Variants in GPC6 observed in about 807,000 individuals in gnomAD.
The protein encoded by GPC6 is glypican-6.
A neutral mutation model predicts 55.2 loss-of-function variants in GPC6; 14 were observed. The ratio of observed to expected loss-of-function variants is 0.25; its 90% CI spans 0.17 to 0.40. GPC6 has a LOEUF of 0.40. GPC6 is among the 10% of genes least tolerant of loss of function. GPC6 has a pLI of 1.00. For synonymous variants in GPC6, 278 were observed against 259.6 expected, an observed-to-expected ratio of 1.07 and a Z score of -0.68; for missense variants, 641 against 708.5, an observed-to-expected ratio of 0.90 and a Z score of 1.08.
At chr13:94,161,044 C>T (rs1888146899) in intron 4 of GPC6, among the ~76,000 whole-genome samples, 1 of 152,214 alleles carries the variant, frequency 6.6e-6, no homozygotes, top group South Asian at 2.1e-4. Context: ...GAAAATTATG[C>T]CCTTTGGGTT....
Position 93,634,078 on chromosome 13 carries a change from C to A in GPC6, c.319+88657C>A, listed in dbSNP as rs117148531. On this transcript the variant is annotated intron_variant, in intron 2 of 8. Coordinates refer to ENST00000377047, the MANE Select transcript of GPC6 (RefSeq NM_005708.5). ...CTGATGCAGTGAACATATACTTTAC[C>A]CCAGCTTCCCTCAATCCCATTCGAA... Among the ~76,000 whole-genome samples the A allele has an allele frequency of 5.8e-4, 88 of 152,178 alleles. 1 individual carries two copies. The East Asian group carries it at 0.017, about 29-fold the overall frequency.
chr13:93,809,347 T>G (rs1293385285), intron 2 of GPC6, among the ~76,000 whole-genome samples: 1 of 152,224 alleles, frequency 6.6e-6, no homozygotes, highest in East Asian at 1.9e-4. Context: ...TTTCTTCATT[T>G]CAGTTAAGAC....
chr13:93,791,839 G>T (rs9524216), intron 2 of GPC6, among the ~76,000 whole-genome samples: 48,905 of 152,082 alleles, frequency 0.32, 8,182 homozygotes, highest in African/African-American at 0.4. Flanking sequence ...AAACAACACT[G>T]GGTGAAATTG....
At chr13:93,869,881 C>A (rs1230721695) in intron 3 of GPC6, among the ~76,000 whole-genome samples, 1 of 151,816 alleles carries the variant, frequency 6.6e-6, no homozygotes, top group Non-Finnish European at 1.5e-5. Flanking sequence ...TCCTGGTATA[C>A]TCCACAGCTG....
intron 1 of GPC6, among the ~76,000 whole-genome samples, chr13:93,307,909 C>T (rs1878914006): frequency 6.6e-6 from 1 of 152,158 alleles, no homozygotes; most frequent in African/African-American, 2.4e-5. Flanking sequence ...ATTTTACAAA[C>T]ATATTGTACA....
intron 3 of GPC6, among the ~76,000 whole-genome samples, chr13:93,931,982 C>G (rs1878202259): frequency 6.6e-6 from 1 of 152,154 alleles, no homozygotes; most frequent in Admixed American, 6.5e-5. Flanking sequence ...AGCTGTCCAA[C>G]TCCAAAGCCT....
chr13:93,928,597 C>T (rs535506502), intron 3 of GPC6, among the ~76,000 whole-genome samples: 1 of 152,188 alleles, frequency 6.6e-6, no homozygotes, highest in South Asian at 2.1e-4. Context: ...GTGCTTCAGA[C>T]TGACAAGGCC....
chr13:94,052,017 A>G (rs1313574042), intron 4 of GPC6, among the ~76,000 whole-genome samples: 3 of 152,210 alleles, frequency 2.0e-5, no homozygotes, highest in Non-Finnish European at 4.4e-5. Context: ...GGTAGTGGAA[A>G]TAAAAACATA....
chr13:93,994,160 A>T (rs964339222), intron 3 of GPC6, among the ~76,000 whole-genome samples: 1 of 152,198 alleles, frequency 6.6e-6, no homozygotes. Flanking sequence ...TCACAGAATG[A>T]TGCAAGAATC....
intron 2 of GPC6, among the ~76,000 whole-genome samples, chr13:93,703,502 A>T (rs1272450552): frequency 6.6e-6 from 1 of 152,018 alleles, no homozygotes; most frequent in Non-Finnish European, 1.5e-5. Flanking sequence ...ACAAACCTTA[A>T]CTATGTAAAA....
intron 2 of GPC6, among the ~76,000 whole-genome samples, chr13:93,777,827 ATGTAT>A (rs1885518721): frequency 6.6e-6 from 1 of 152,108 alleles, no homozygotes; most frequent in Non-Finnish European, 1.5e-5. Flanking sequence ...CTATTTGTAT[ATGTAT>A]TTCTGAGACC....
chr13:93,774,254 G>A lies in GPC6; in HGVS notation c.320-55900G>A, dbSNP rs564468750. ...AACTGGAACATTCAATGGAGGTTAGGTCTTCAAGAAGAGGGAATCATTCAC... is the reference window on the plus strand; with the variant it reads ...AACTGGAACATTCAATGGAGGTTAGATCTTCAAGAAGAGGGAATCATTCAC... On this transcript the variant is annotated intron_variant, in intron 2 of 8. Transcript: ENST00000377047. Among the ~76,000 whole-genome samples, 16 of 152,244 alleles carry A rather than the reference G, an allele frequency of 1.1e-4. No homozygotes were observed. In the South Asian group the frequency reaches 2.7e-3, roughly 26 times the overall value.
chr13:93,876,881 G>A (rs150812827), intron 3 of GPC6, among the ~76,000 whole-genome samples: 51 of 152,150 alleles, frequency 3.4e-4, no homozygotes, highest in Middle Eastern at 3.4e-3. Context: ...GCACAGGCAT[G>A]TAAGCCTCCG....
In GPC6 at chr13:93,355,598, T is replaced by G. The variant is rs1880818097; in HGVS notation, c.160+127982T>G. ...GATAGGCAGACAAAGAATTCACCTTTATCAAGGTGAAGTGTTTCTTAACTC... is the reference window on the plus strand; with the variant it reads ...GATAGGCAGACAAAGAATTCACCTTGATCAAGGTGAAGTGTTTCTTAACTC... On this transcript the variant is annotated intron_variant, in intron 1 of 8. Transcript: ENST00000377047. Among the ~76,000 whole-genome samples, 2 of 152,168 alleles carry G rather than the reference T, an allele frequency of 1.3e-5. 1 individual carries two copies. Among genetic ancestry groups the G allele is most frequent in the South Asian group, 4.1e-4 (2 of 4,824 alleles).
intron 2 of GPC6, among the ~76,000 whole-genome samples, chr13:93,757,859 C>T (rs1364364733): frequency 1.3e-5 from 2 of 152,234 alleles, no homozygotes; most frequent in East Asian, 3.9e-4. Flanking sequence ...GCCAAATGTG[C>T]ACCTTATATA....
At chr13:93,567,446 A>T (rs1400988406) in intron 2 of GPC6, among the ~76,000 whole-genome samples, 1 of 152,068 alleles carries the variant, frequency 6.6e-6, no homozygotes, top group East Asian at 1.9e-4. Flanking sequence ...TTAGACATAA[A>T]ATAATCTTGT....
intron 6 of GPC6, among the ~76,000 whole-genome samples, chr13:94,334,627 C>T (rs1877590950): frequency 6.6e-6 from 1 of 152,186 alleles, no homozygotes; most frequent in Non-Finnish European, 1.5e-5. Context: ...AACTGAAACT[C>T]CAAGTGGGGC....
At chr13:93,531,608 T>A (rs1881870818) in intron 1 of GPC6, among the ~76,000 whole-genome samples, 1 of 152,194 alleles carries the variant, frequency 6.6e-6, no homozygotes, top group South Asian at 2.1e-4. Context: ...TTTGATTACA[T>A]TACTGGGTGC....
intron 1 of GPC6, among the ~76,000 whole-genome samples, chr13:93,501,667 C>T (rs1192220787): frequency 6.6e-6 from 1 of 152,090 alleles, no homozygotes; most frequent in Non-Finnish European, 1.5e-5. Context: ...GAAGAGTTTA[C>T]TGCATCTTCA....
Sources: gnomAD v4.1 joint callset for allele counts (sites outside exome capture counted in the v4.1 genomes callset) on GRCh38, gnomAD v4.1.1 for gene constraint, MANE v1.5 for transcripts, NCBI Gene and HGNC (gene_info 2026-07-23, HGNC 2026-07-21) for gene names.